The following ADSS2 variants were observed in gnomAD, a reference collection of about 807,000 sequenced individuals.
ADSS2 encodes adenylosuccinate synthase 2.
ADSS2 carries 30 observed loss-of-function variants against 60.0 expected under a neutral mutation model. That is an observed-to-expected ratio of 0.50 (90% CI 0.37 to 0.68). The LOEUF is 0.68. Ranked by LOEUF, ADSS2 falls within the 30% of genes least tolerant of loss-of-function variation. ADSS2 has a pLI of 0.00. For missense variants in ADSS2, 373 were observed against 554.8 expected, an observed-to-expected ratio of 0.67 and a Z score of 3.29; for synonymous variants, 187 against 193.1, an observed-to-expected ratio of 0.97 and a Z score of 0.26.
intron 3 of ADSS2, among the ~76,000 whole-genome samples, chr1:244,433,066 G>A (rs181209358): frequency 2.1e-4 from 32 of 152,126 alleles, no homozygotes; most frequent in Non-Finnish European, 3.7e-4. Flanking sequence ...GTAAAACCCC[G>A]TCTCTACTAA....
intron 1 of ADSS2, among the ~76,000 whole-genome samples, chr1:244,445,280 T>C (rs1665356691): frequency 6.6e-6 from 1 of 152,214 alleles, no homozygotes. Flanking sequence ...AAAAACTTAC[T>C]ACAACATAAT....
At chr1:244,430,405 A>AT (rs1664912837) in intron 4 of ADSS2, among the ~76,000 whole-genome samples, 1 of 152,350 alleles carries the variant, frequency 6.6e-6, no homozygotes, top group African/African-American at 2.4e-5. Flanking sequence ...CAACAGGCTG[A>AT]TATCATCAGC....
At position 244,428,024 on chromosome 1, in the gene ADSS2, C is replaced by T. The variant is rs148507101; in HGVS notation, c.407-3637G>A. Among the ~76,000 whole-genome samples, 508 of 152,284 alleles carry T rather than the reference C, an allele frequency of 3.3e-3. 4 individuals are homozygous for T. Among genetic ancestry groups the T allele is most frequent in the African/African-American group, 0.012 (484 of 41,568 alleles). ...AGAGAAACAGACAAATCCACAATTA[C>T]TGTTGGAGGTTCAGCACTCCTCCGA... is the stretch of plus-strand genomic sequence containing the variant. On this transcript the variant is annotated intron_variant, in intron 4 of 12. Transcript: ENST00000366535.
chr1:244,426,082 C>T (rs1664797489), intron 4 of ADSS2, among the ~76,000 whole-genome samples: 1 of 152,114 alleles, frequency 6.6e-6, no homozygotes, highest in Non-Finnish European at 1.5e-5. Context: ...AGTTTATCAT[C>T]ATGTTCCCAT....
At position 244,420,437 on chromosome 1, in the gene ADSS2, A is replaced by G. The variant is rs1468525560; in HGVS notation, c.664-141T>C. 6 of 659,716 alleles carry G rather than the reference A, an allele frequency of 9.1e-6. No homozygotes were observed. In the Admixed American group the frequency reaches 1.2e-4, roughly 14 times the overall value. 40.9% of individuals were successfully genotyped at this position (659,716 alleles called of 1,614,324 possible). A position where few individuals can be genotyped will look rare whatever the true frequency, so the allele number is the denominator to read the frequency against. On this transcript the variant is annotated intron_variant, in intron 7 of 12. Transcript: ENST00000366535. ...AAGGGCTGGTGACGGTGCTCACTCT[A>G]TTGTAACATTTGGATTAGCTTTCAT...
intron 4 of ADSS2, among the ~76,000 whole-genome samples, chr1:244,431,547 A>C (rs1239217737): frequency 6.6e-6 from 1 of 152,210 alleles, no homozygotes; most frequent in African/African-American, 2.4e-5. Context: ...TACACTAACA[A>C]ACAGCTATCA....
At chr1:244,446,802 G>A (rs536366242) in intron 1 of ADSS2, among the ~76,000 whole-genome samples, 2 of 152,210 alleles carry the variant, frequency 1.3e-5, no homozygotes, top group African/African-American at 4.8e-5. Flanking sequence ...CTTTGTAAAT[G>A]TTTGATAAAA....
intron 10 of ADSS2, among the ~76,000 whole-genome samples, chr1:244,416,532 C>G (rs570791093): frequency 6.6e-6 from 1 of 152,168 alleles, no homozygotes; most frequent in East Asian, 1.9e-4. Context: ...GTTGCCCAGG[C>G]TGGTCTCGAA....
intron 4 of ADSS2, among the ~76,000 whole-genome samples, chr1:244,428,859 A>AT (rs961047004): frequency 6.6e-4 from 101 of 152,276 alleles, no homozygotes; most frequent in African/African-American, 2.0e-3. Context: ...GAATATCCCG[A>AT]TATCTATTAA....
Position 244,409,526 on chromosome 1 carries a change from T to C in ADSS2, c.*60A>G. The C allele has an allele frequency of 7.7e-7, 1 of 1,296,740 alleles. No homozygotes were observed. Among genetic ancestry groups the C allele is most frequent in the Non-Finnish European group, 1.1e-6 (1 of 903,660 alleles). 80.3% of individuals were successfully genotyped at this position (1,296,740 alleles called of 1,614,324 possible). On this transcript the variant is annotated 3_prime_UTR_variant, in exon 13 of 13. Transcript: ENST00000366535. ...TTGAATTTGCAGGTCATAAATGAAATATTTAAGAAAGTCTTTTCCCCTCCC... is the reference window on the plus strand; with the variant it reads ...TTGAATTTGCAGGTCATAAATGAAACATTTAAGAAAGTCTTTTCCCCTCCC...
intron 3 of ADSS2, among the ~76,000 whole-genome samples, chr1:244,436,449 A>G (rs1293073132): frequency 6.6e-6 from 1 of 152,224 alleles, no homozygotes; most frequent in Non-Finnish European, 1.5e-5. Flanking sequence ...GGAAAAAACA[A>G]AAATTCCCTT....
intron 1 of ADSS2, among the ~76,000 whole-genome samples, chr1:244,439,386 A>C (rs1371299025): frequency 6.6e-6 from 1 of 152,136 alleles, no homozygotes; most frequent in Non-Finnish European, 1.5e-5. Context: ...ATCCTGCCAG[A>C]ACTGGGTCCT....
At chr1:244,426,784 C>T (rs1329801700) in intron 4 of ADSS2, among the ~76,000 whole-genome samples, 1 of 152,066 alleles carries the variant, frequency 6.6e-6, no homozygotes, top group Non-Finnish European at 1.5e-5. Flanking sequence ...TAGGCCCCTA[C>T]CTCCTCCTCC....
intron 12 of ADSS2, 79 bp from the exon 13 acceptor site, chr1:244,409,717 C>G: frequency 8.8e-7 from 1 of 1,136,546 alleles, no homozygotes; most frequent in Non-Finnish European, 1.3e-6. Flanking sequence ...CAGGTAGTCC[C>G]CTACTTTTCT....
At chr1:244,435,454 A>T (rs1211469027) in intron 3 of ADSS2, among the ~76,000 whole-genome samples, 1 of 152,140 alleles carries the variant, frequency 6.6e-6, no homozygotes, top group Non-Finnish European at 1.5e-5. Context: ...TTACATATCA[A>T]TTGAGGCAAT....
At chr1:244,421,322 A>G (rs1664669886) in intron 7 of ADSS2, among the ~76,000 whole-genome samples, 1 of 152,212 alleles carries the variant, frequency 6.6e-6, no homozygotes, top group African/African-American at 2.4e-5. Flanking sequence ...CCTAGGTTCA[A>G]CTATGTTTAA....
intron 1 of ADSS2, among the ~76,000 whole-genome samples, chr1:244,448,018 C>T (rs1162389012): frequency 6.6e-6 from 1 of 152,050 alleles, no homozygotes; most frequent in Non-Finnish European, 1.5e-5. Flanking sequence ...TATAGTATAA[C>T]AGACATTGGT....
intron 8 of ADSS2, among the ~76,000 whole-genome samples, chr1:244,419,764 G>T (rs1664634494): frequency 1.3e-5 from 2 of 152,116 alleles, no homozygotes; most frequent in Admixed American, 6.5e-5. Flanking sequence ...CATGCCCAGG[G>T]AGTTAATTTA....
chr1:244,442,271 AT>A (rs1367243633), intron 1 of ADSS2, among the ~76,000 whole-genome samples: 3 of 150,134 alleles, frequency 2.0e-5, no homozygotes, highest in Non-Finnish European at 4.4e-5. Context: ...ACACACACAA[AT>A]TTTTTAGGCA....
Sources: gnomAD v4.1 joint callset for allele counts (sites outside exome capture counted in the v4.1 genomes callset) on GRCh38, gnomAD v4.1.1 for gene constraint, MANE v1.5 for transcripts, NCBI Gene and HGNC (gene_info 2026-07-23, HGNC 2026-07-21) for gene names.